ST18: variants seen among roughly 807,000 people sequenced by gnomAD.
ST18 encodes suppression of tumorigenicity 18 protein.
ST18 carries 50 observed loss-of-function variants against 110.0 expected under a neutral mutation model. That is an observed-to-expected ratio of 0.45 (90% CI 0.36 to 0.58). ST18 has a LOEUF of 0.58. Ranked by LOEUF, ST18 falls within the 20% of genes least tolerant of loss-of-function variation. ST18 has a pLI of 0.00. For missense variants in ST18, 1,306 were observed against 1,280.1 expected, an observed-to-expected ratio of 1.02 and a Z score of -0.31; for synonymous variants, 461 against 452.4, an observed-to-expected ratio of 1.02 and a Z score of -0.24.
At chr8:52,215,322 C>A (rs905382291) in intron 6 of ST18, among the ~76,000 whole-genome samples, 1 of 152,150 alleles carries the variant, frequency 6.6e-6, no homozygotes. Context: ...TACTGCCATT[C>A]GACGCTCTCC....
intron 13 of ST18, among the ~76,000 whole-genome samples, chr8:52,162,324 T>C (rs1490480654): frequency 2.0e-5 from 3 of 152,214 alleles, no homozygotes; most frequent in East Asian, 1.9e-4. Context: ...ATAGTCACAA[T>C]TGTGACCAGT....
Position 52,113,310 on chromosome 8 carries a change from G to A in ST18, c.3032C>T (p.Ala1011Val). 1 of 1,613,888 alleles carries A rather than the reference G, an allele frequency of 6.2e-7. No individual in the cohort carries two copies. The highest frequency in any genetic ancestry group is 2.2e-5 in the East Asian group (1 of 44,884). The change falls in exon 26 of 26, where the codon GCA (alanine) becomes GTA (valine). Residue 1011 changes from alanine to valine, a missense_variant. By Grantham distance (64) the Ala-to-Val change is moderately conservative. Transcript: ENST00000689386. ...MGPISEQNFEAYVNTLTDMYS... is the reference protein window; with the variant it reads ...MGPISEQNFEVYVNTLTDMYS... ...CATATCTGTGAGTGTATTTACATAT[G>A]CTTCAAAATTCTGCTCACTGATAGG...
At chr8:52,327,791 G>C (rs893955648) in intron 2 of ST18, among the ~76,000 whole-genome samples, 3 of 152,126 alleles carry the variant, frequency 2.0e-5, no homozygotes, top group Non-Finnish European at 2.9e-5. Flanking sequence ...TTATGAAGTT[G>C]AGCCAACACT....
chr8:52,190,715 T>G (rs1162966783), intron 8 of ST18, among the ~76,000 whole-genome samples: 2 of 152,172 alleles, frequency 1.3e-5, no homozygotes, highest in African/African-American at 4.8e-5. Context: ...GGATATAGTT[T>G]GAAGGGACCC....
At chr8:52,265,556 TGAA>T (rs1363754374) in intron 2 of ST18, among the ~76,000 whole-genome samples, 1 of 152,188 alleles carries the variant, frequency 6.6e-6, no homozygotes, top group East Asian at 1.9e-4. Flanking sequence ...GCCATGGAGA[TGAA>T]GAAGTATGGT....
chr8:52,189,195 C>T (rs996128727), intron 8 of ST18, among the ~76,000 whole-genome samples: 1 of 152,088 alleles, frequency 6.6e-6, no homozygotes, highest in Non-Finnish European at 1.5e-5. Context: ...AGAAAGGGTG[C>T]ACAGGCCAAA....
At chr8:52,132,328 C>A in intron 21 of ST18, 149 bp from the exon 22 acceptor site, 1 of 645,182 alleles carries the variant, frequency 1.5e-6, no homozygotes, top group Non-Finnish European at 2.6e-6. Context: ...CTCAGAGCTA[C>A]GCGATTTTCA....
intron 17 of ST18, among the ~76,000 whole-genome samples, chr8:52,138,897 C>T (rs2053634166): frequency 6.6e-6 from 1 of 152,156 alleles, no homozygotes; most frequent in Non-Finnish European, 1.5e-5. Context: ...TAAACTAACG[C>T]TATTCCTATA....
chr8:52,152,937 A>G (rs1036990531), intron 15 of ST18, among the ~76,000 whole-genome samples: 3 of 152,228 alleles, frequency 2.0e-5, no homozygotes, highest in Non-Finnish European at 4.4e-5. Context: ...TATCACTGAC[A>G]GCAGAGAACA....
rs1030718739 is a variant in ST18 at position 52,150,116 on chromosome 8, G to C, written c.1807-139C>G. 3 of 1,194,612 alleles carry C rather than the reference G, an allele frequency of 2.5e-6. No homozygotes were observed. In the Admixed American group the frequency reaches 7.9e-5, roughly 32 times the overall value. 74.0% of individuals were successfully genotyped at this position (1,194,612 alleles called of 1,614,324 possible). ...TTTTAAATCTAGCTTTCTGATTTGC[G>C]TTGGGTAATGTTCAATTCTTAGGCA... On this transcript the variant is annotated intron_variant, in intron 15 of 25. Coordinates refer to ENST00000689386, the MANE Select transcript of ST18 (RefSeq NM_001352837.2).
chr8:52,194,900 T>G (rs952209436), intron 8 of ST18: 10 of 152,162 alleles, frequency 6.6e-5, no homozygotes, highest in African/African-American at 2.4e-4. Context: ...GGACCAAAGT[T>G]TTTAAAGAAA....
At chr8:52,186,063 C>T (rs2072043257) in intron 8 of ST18, among the ~76,000 whole-genome samples, 1 of 152,096 alleles carries the variant, frequency 6.6e-6, no homozygotes, top group African/African-American at 2.4e-5. Flanking sequence ...CCATGAGCCC[C>T]GCTTCTTGAT....
chr8:52,376,191 C>CACTACTCAG (rs1459686913), intron 2 of ST18, among the ~76,000 whole-genome samples: 1 of 152,198 alleles, frequency 6.6e-6, no homozygotes, highest in Non-Finnish European at 1.5e-5. Context: ...TGTTTCCCCA[C>CACTACTCAG]ACTACTCAGA....
At chr8:52,143,794 C>T (rs35571587) in intron 16 of ST18, among the ~76,000 whole-genome samples, 41,576 of 152,036 alleles carry the variant, frequency 0.27, 7,707 homozygotes, top group African/African-American at 0.53. Context: ...AACTTTTAGA[C>T]AGAAAAGGGG....
intron 22 of ST18, among the ~76,000 whole-genome samples, chr8:52,127,051 A>G (rs561934091): frequency 6.6e-6 from 1 of 152,324 alleles, no homozygotes; most frequent in Non-Finnish European, 1.5e-5. Context: ...TCAGTCATTT[A>G]AAGTCTTTTT....
At chr8:52,169,020 C>A (rs1002152398) in intron 10 of ST18, among the ~76,000 whole-genome samples, 1 of 152,148 alleles carries the variant, frequency 6.6e-6, no homozygotes, top group African/African-American at 2.4e-5. Context: ...TCGCACACTT[C>A]CCCTCCTCGC....
At chr8:52,352,587 T>C (rs1006816108) in intron 2 of ST18, among the ~76,000 whole-genome samples, 4 of 152,214 alleles carry the variant, frequency 2.6e-5, no homozygotes, top group Non-Finnish European at 5.9e-5. Context: ...GTTTTCCAGG[T>C]GAATATAGAC....
At chr8:52,219,000 C>G (rs2085562941) in intron 5 of ST18, among the ~76,000 whole-genome samples, 1 of 152,066 alleles carries the variant, frequency 6.6e-6, no homozygotes, top group African/African-American at 2.4e-5. Flanking sequence ...AAGAAAAACT[C>G]AAGAAGTTGG....
intron 2 of ST18, chr8:52,393,541 G>C (rs986236743): frequency 6.6e-6 from 1 of 151,830 alleles, no homozygotes; most frequent in African/African-American, 2.4e-5. Flanking sequence ...ACAAAATAAA[G>C]TCACACTCAA....
Sources: allele counts gnomAD v4.1 joint callset (sites outside exome capture counted in the v4.1 genomes callset), GRCh38; gene constraint gnomAD v4.1.1; transcripts MANE v1.5; gene names NCBI Gene and HGNC (gene_info 2026-07-23, HGNC 2026-07-21).